The following MIER1 variants were observed in gnomAD, a reference collection of about 807,000 sequenced individuals.
MIER1 encodes the protein MIER1 transcriptional regulator, also known as mesoderm induction early response protein 1.
A neutral mutation model predicts 75.7 loss-of-function variants in MIER1; 40 were observed. The ratio of observed to expected loss-of-function variants is 0.53; its 90% confidence interval spans 0.41 to 0.69. The LOEUF is 0.69. Among genes scored for constraint, MIER1 ranks in the 30% least tolerant of loss-of-function variants. The pLI is 0.00. For synonymous variants in MIER1, 213 were observed against 223.4 expected, an observed-to-expected ratio of 0.95 and a Z score of 0.42; for missense variants, 574 against 680.2, an observed-to-expected ratio of 0.84 and a Z score of 1.74.
At chr1:66,931,365 G>T (rs1653317225) in intron 2 of MIER1, among the ~76,000 whole-genome samples, 1 of 152,150 alleles carries the variant, frequency 6.6e-6, no homozygotes, top group African/African-American at 2.4e-5. Context: ...ACCCGTGGAA[G>T]AATTTCAGTA....
intron 7 of MIER1, 142 bp from the exon 8 acceptor site, chr1:66,962,946 G>A: frequency 1.9e-6 from 1 of 531,972 alleles, no homozygotes; most frequent in East Asian, 3.1e-5. Flanking sequence ...CTTCACAAAG[G>A]TACCTCTGAG....
chr1:66,941,985 A>AG (rs1389600344), intron 3 of MIER1, among the ~76,000 whole-genome samples: 1 of 151,726 alleles, frequency 6.6e-6, no homozygotes, highest in Non-Finnish European at 1.5e-5. Context: ...AAAAAAAAAA[A>AG]AACAGTCTTT....
At chr1:66,958,281 T>C in intron 5 of MIER1, 61 bp downstream of exon 5, 1 of 1,166,222 alleles carries the variant, frequency 8.6e-7, no homozygotes, top group Non-Finnish European at 1.2e-6. Context: ...TTAAAATTGC[T>C]TAATATATTT....
intron 8 of MIER1, among the ~76,000 whole-genome samples, chr1:66,966,261 C>T (rs192266293): frequency 6.6e-6 from 1 of 152,066 alleles, no homozygotes; most frequent in Non-Finnish European, 1.5e-5. Flanking sequence ...GTTCACTTCC[C>T]ACCTATGAGT....
chr1:66,951,329 C>G (rs1247349241), intron 4 of MIER1, among the ~76,000 whole-genome samples: 1 of 152,046 alleles, frequency 6.6e-6, no homozygotes, highest in Non-Finnish European at 1.5e-5. Context: ...GGGTCTTGCT[C>G]TGTTGCCCAG....
chr1:66,950,003 A>G (rs1250671338), intron 4 of MIER1, among the ~76,000 whole-genome samples: 1 of 152,250 alleles, frequency 6.6e-6, no homozygotes, highest in Non-Finnish European at 1.5e-5. Context: ...AATATAAAAG[A>G]TAAGTGTTTT....
chr1:66,965,539 C>G (rs1453614522), intron 8 of MIER1, among the ~76,000 whole-genome samples: 1 of 151,942 alleles, frequency 6.6e-6, no homozygotes, highest in Non-Finnish European at 1.5e-5. Flanking sequence ...TTTGTGGGTA[C>G]ATAGTAGGTG....
At chr1:66,930,525 C>T (rs1374479494) in intron 2 of MIER1, 14 of 988,200 alleles carry the variant, frequency 1.4e-5, no homozygotes, top group Admixed American at 6.0e-5. Context: ...CACCTGTTGT[C>T]CGGAACAGGC....
chr1:66,972,211 TACTACATATATATATATAC>T, intron 10 of MIER1, among the ~76,000 whole-genome samples: 1 of 136,308 alleles, frequency 7.3e-6, no homozygotes, highest in South Asian at 2.2e-4. Flanking sequence ...TCACTAAGAG[TACTACATATATATATATAC>T]ACTACATATA....
intron 2 of MIER1, among the ~76,000 whole-genome samples, chr1:66,932,220 A>G (rs1230591925): frequency 4.6e-5 from 7 of 152,296 alleles, no homozygotes; most frequent in African/African-American, 1.7e-4. Flanking sequence ...TTTCTAATGT[A>G]TGTTTTAGTT....
At position 66,925,049 on chromosome 1, in the gene MIER1, C is replaced by CGGTGGCGGCAGCAGCGAAGGT. The variant is rs1557999771; in HGVS notation, c.24_44dup (p.Glu13_Ser19dup). ...GGCGGATGGATGGGGCTTCTTCAGG[C>CGGTGGCGGCAGCAGCGAAGGT]GGTGGCGGCAGCAGCGAAGGTGGCG... On this transcript the variant is annotated inframe_insertion, in exon 1 of 14. Transcript: ENST00000401041. 7.1e-6 allele frequency: 11 copies of CGGTGGCGGCAGCAGCGAAGGT among 1,549,186 alleles called. No homozygotes were observed. The highest frequency in any genetic ancestry group is 9.6e-6 in the Non-Finnish European group (11 of 1,146,094).
chr1:66,933,690 G>A (rs763674023), intron 2 of MIER1, among the ~76,000 whole-genome samples: 5 of 151,966 alleles, frequency 3.3e-5, no homozygotes, highest in Non-Finnish European at 7.4e-5. Context: ...TTTTTTTCAT[G>A]TTTATACTTC....
chr1:66,944,480 TAC>T (rs1657008033), intron 3 of MIER1, among the ~76,000 whole-genome samples: 1 of 151,318 alleles, frequency 6.6e-6, no homozygotes, highest in East Asian at 2.0e-4. Context: ...GACAATATTT[TAC>T]AGACTATGTA....
chr1:66,952,144 C>T (rs1279753646), intron 4 of MIER1, among the ~76,000 whole-genome samples: 2 of 152,206 alleles, frequency 1.3e-5, no homozygotes, highest in African/African-American at 2.4e-5. Context: ...CAACTTGCCA[C>T]ATAATTTTTT....
Position 66,970,941 on chromosome 1 carries a change from C to T in MIER1, c.906C>T (p.His302=), listed in dbSNP as rs763758409. Residue 302 remains histidine, a synonymous_variant, in exon 9 of 14, where the codon CAC becomes CAT. Coordinates refer to ENST00000401041, the MANE Select transcript of MIER1 (RefSeq NM_001077700.3). ...TAGAAGCAATTCCTGAAGGATCTCA[C>T]ATAAAAGACAATGAACAGGTCTGTG... The part of the protein sequence containing the change: ...KGVEAIPEGS[H]IKDNEQALYE... 5.7e-6 allele frequency: 9 copies of T among 1,580,946 alleles called. No homozygotes were observed. In the African/African-American group the frequency reaches 9.7e-5, roughly 17 times the overall value.
intron 11 of MIER1, among the ~76,000 whole-genome samples, chr1:66,973,584 A>C (rs1664125042): frequency 1.3e-5 from 2 of 152,032 alleles, no homozygotes; most frequent in Admixed American, 1.3e-4. Flanking sequence ...TTATACTCCA[A>C]ATAGCTTTAT....
chr1:66,958,425 A>C (rs1455835600), intron 5 of MIER1, among the ~76,000 whole-genome samples: 1 of 151,770 alleles, frequency 6.6e-6, no homozygotes, highest in Admixed American at 6.6e-5. Context: ...TTGTCATTTC[A>C]GGTTTCTTTT....
intron 12 of MIER1, among the ~76,000 whole-genome samples, chr1:66,980,121 C>T (rs1665589784): frequency 6.6e-6 from 1 of 152,192 alleles, no homozygotes; most frequent in Non-Finnish European, 1.5e-5. Flanking sequence ...GTATTTATTT[C>T]CAACAATTCC....
intron 8 of MIER1, among the ~76,000 whole-genome samples, chr1:66,966,348 C>T (rs3008875): frequency 0.21 from 32,522 of 151,980 alleles, 3,877 homozygotes; most frequent in Non-Finnish European, 0.26. Context: ...ATCCATATCC[C>T]TACAAAGGAC....
Sources: allele counts gnomAD v4.1 joint callset (sites outside exome capture counted in the v4.1 genomes callset), GRCh38; gene constraint gnomAD v4.1.1; transcripts MANE v1.5; gene names NCBI Gene and HGNC (gene_info 2026-07-23, HGNC 2026-07-21).